The following HERC1 variants were observed in gnomAD, a reference collection of about 807,000 sequenced individuals.
HERC1 encodes the protein probable E3 ubiquitin-protein ligase HERC1.
HERC1 carries 160 observed loss-of-function variants against 554.3 expected under a neutral mutation model. The observed-to-expected ratio is 0.29, with a 90% CI of 0.25 to 0.33. The LOEUF (loss-of-function observed/expected upper bound fraction) is 0.33, where lower values mean the gene tolerates loss of function less well. Ranked by LOEUF, HERC1 falls within the 10% of genes least tolerant of loss-of-function variation. HERC1 has a pLI of 1.00. For missense variants in HERC1, 4,919 were observed against 5,918.5 expected, an observed-to-expected ratio of 0.83 and a Z score of 5.54; for synonymous variants, 2,175 against 2,131.7, an observed-to-expected ratio of 1.02 and a Z score of -0.56.
At chr15:63,740,448 T>C (rs1361344647) in intron 12 of HERC1, among the ~76,000 whole-genome samples, 1 of 152,230 alleles carries the variant, frequency 6.6e-6, no homozygotes, top group Admixed American at 6.5e-5. Flanking sequence ...ACAGACCTAG[T>C]AGTGGAACTG....
intron 74 of HERC1, among the ~76,000 whole-genome samples, chr15:63,620,821 C>A (rs962283649): frequency 6.0e-4 from 92 of 152,134 alleles, no homozygotes; most frequent in African/African-American, 2.1e-3. Context: ...GCAACCCCTG[C>A]CTTTTTTTGT....
chr15:63,675,965 G>A (rs1157829127), intron 37 of HERC1, among the ~76,000 whole-genome samples: 1 of 149,082 alleles, frequency 6.7e-6, no homozygotes, highest in Admixed American at 6.7e-5. Flanking sequence ...GTGCAGTGGT[G>A]CGATCTCAGC....
intron 6 of HERC1, 55 bp downstream of exon 6, chr15:63,755,174 A>C (rs1229787970): frequency 8.2e-6 from 10 of 1,222,936 alleles, no homozygotes; most frequent in African/African-American, 6.0e-5. Context: ...CTTCTCAGTA[A>C]CTTAATCATT....
At chr15:63,793,924 C>A (rs2076731493) in intron 1 of HERC1, among the ~76,000 whole-genome samples, 1 of 152,152 alleles carries the variant, frequency 6.6e-6, no homozygotes, top group Admixed American at 6.5e-5. Context: ...AGGAGGTCAG[C>A]ACAAAATACA....
At chr15:63,622,326 CTTT>C (rs35490295) in intron 74 of HERC1, among the ~76,000 whole-genome samples, 4 of 117,574 alleles carry the variant, frequency 3.4e-5, no homozygotes, top group East Asian at 4.4e-4. Context: ...TGCCTGTTTC[CTTT>C]TTTTTTTTTT....
intron 17 of HERC1, 106 bp from the exon 18 acceptor site, chr15:63,725,619 A>G (rs1048741224): frequency 1.3e-6 from 1 of 797,796 alleles, no homozygotes; most frequent in Non-Finnish European, 2.0e-6. Flanking sequence ...GATGCAAAAT[A>G]TTTTATGATG....
Position 63,712,973 on chromosome 15 carries a change from C to T in HERC1, c.4464-78G>A. ...CATAAAATTGAATGGAATTGGAGCACAGAGATAATATACACACACAGGGAG... is the reference window on the plus strand; with the variant it reads ...CATAAAATTGAATGGAATTGGAGCATAGAGATAATATACACACACAGGGAG... On this transcript the variant is annotated intron_variant, in intron 23 of 77. Coordinates refer to ENST00000443617, the MANE Select transcript of HERC1 (RefSeq NM_003922.4). The T allele has an allele frequency of 6.6e-6, 9 of 1,365,284 alleles. No individual in the cohort carries two copies. The South Asian group carries it at 1.2e-4, about 18-fold the overall frequency. The allele number at this position is 1,365,284 out of a possible 1,614,324, so 84.6% of individuals were successfully genotyped here.
intron 61 of HERC1, among the ~76,000 whole-genome samples, chr15:63,639,886 A>C (rs1214100821): frequency 6.6e-6 from 1 of 152,260 alleles, no homozygotes; most frequent in East Asian, 1.9e-4. Flanking sequence ...CCTATGGACA[A>C]AAGAAAATGA....
chr15:63,809,579 C>T lies in HERC1; in HGVS notation c.-27+24248G>A, dbSNP rs544580099. On this transcript the variant is annotated intron_variant, in intron 1 of 77. Transcript: ENST00000443617. ...AGGACACAACAGACCAATCCTGGGC[C>T]ACTGCAAAAGTTGAGTTGAGAAATA... 3.3e-5 allele frequency among the ~76,000 whole-genome samples: 5 copies of T among 152,100 alleles called. No homozygotes were observed. In the South Asian group the frequency reaches 1.0e-3, roughly 32 times the overall value.
chr15:63,633,620 CAG>C (rs2068660016), intron 67 of HERC1, among the ~76,000 whole-genome samples: 1 of 152,146 alleles, frequency 6.6e-6, no homozygotes, highest in African/African-American at 2.4e-5. Flanking sequence ...TTTTTGGAGA[CAG>C]AAGCTTATCC....
At chr15:63,745,377 G>A (rs765170801) in intron 12 of HERC1, among the ~76,000 whole-genome samples, 3 of 152,192 alleles carry the variant, frequency 2.0e-5, no homozygotes, top group Non-Finnish European at 2.9e-5. Context: ...AAGTTTACTT[G>A]GAGACACAGA....
chr15:63,818,530 A>G (rs1306130551), intron 1 of HERC1, among the ~76,000 whole-genome samples: 7 of 152,214 alleles, frequency 4.6e-5, no homozygotes, highest in African/African-American at 1.2e-4. Flanking sequence ...ATATTCACCA[A>G]TTTCTTAGAT....
rs770672625 is a variant in HERC1, at chr15:63,689,713, G to T, written c.5938-14C>A. ...GCGCTCAACAATCTGTTTTATTGAA[G>T]AAAAAAGGATAAAATTTGTAAAAAG... On this transcript the variant is annotated splice_polypyrimidine_tract_variant and intron_variant, in intron 32 of 77. Coordinates refer to ENST00000443617, the MANE Select transcript of HERC1 (RefSeq NM_003922.4). 1.1e-5 allele frequency: 16 copies of T among 1,427,170 alleles called. No homozygotes were observed. The highest frequency in any genetic ancestry group is 2.9e-6 in the Non-Finnish European group (3 of 1,052,486). 88.4% of individuals were successfully genotyped at this position (1,427,170 alleles called of 1,614,324 possible). A position where few individuals can be genotyped will look rare whatever the true frequency, so the allele number is the denominator to read the frequency against.
Position 63,690,636 on chromosome 15 carries a change from C to T in HERC1, c.5842G>A (p.Val1948Ile). 1 of 1,595,346 alleles carries T rather than the reference C, an allele frequency of 6.3e-7. No homozygotes were observed. The highest frequency in any genetic ancestry group is 8.6e-7 in the Non-Finnish European group (1 of 1,165,038). Residue 1948 changes from valine (V) to isoleucine (I), a missense_variant, in exon 32 of 78, where the codon GTT (valine) becomes ATT (isoleucine). Physicochemically the swap from Val to Ile is conservative, Grantham distance 29 (BLOSUM62 3). Transcript: ENST00000443617. ...AGGAGCCTTGTTCTTAAGTTACCAA[C>T]CAGAGGGATACCTGGAGGGGAAAAG... ...SQKCSSGIPLVGNLRTRLLAL... is the reference protein window; with the variant it reads ...SQKCSSGIPLIGNLRTRLLAL...
intron 38 of HERC1, 48 bp from the exon 39 acceptor site, chr15:63,672,742 C>A: frequency 1.5e-6 from 2 of 1,296,562 alleles, no homozygotes; most frequent in South Asian, 3.0e-5. Context: ...TTTGTTTTTT[C>A]AAAAATAACA....
chr15:63,644,928 A>T, intron 57 of HERC1, 64 bp downstream of exon 57: 2 of 1,223,012 alleles, frequency 1.6e-6, no homozygotes. Context: ...ACCAAGGGAG[A>T]ATGACTCTGA....
At chr15:63,825,489 A>G (rs890821321) in intron 1 of HERC1, among the ~76,000 whole-genome samples, 3 of 152,232 alleles carry the variant, frequency 2.0e-5, no homozygotes, top group Non-Finnish European at 4.4e-5. Context: ...ATGTGTACAC[A>G]TTAAATTTAT....
intron 48 of HERC1, among the ~76,000 whole-genome samples, chr15:63,657,007 AG>A (rs1490850716): frequency 1.3e-5 from 2 of 151,124 alleles, no homozygotes; most frequent in African/African-American, 2.5e-5. Flanking sequence ...ATTGGTCTTT[AG>A]GGGGCACATA....
At chr15:63,632,682 A>G in intron 68 of HERC1, 27 bp downstream of exon 68, 1 of 1,409,378 alleles carries the variant, frequency 7.1e-7, no homozygotes, top group Non-Finnish European at 9.8e-7. Flanking sequence ...ATGTGTACCC[A>G]AGCAAATAAG....
Sources: gnomAD v4.1 joint callset for allele counts (sites outside exome capture counted in the v4.1 genomes callset) on GRCh38, gnomAD v4.1.1 for gene constraint, MANE v1.5 for transcripts, NCBI Gene and HGNC (gene_info 2026-07-23, HGNC 2026-07-21) for gene names.